Variants in GNB4 observed in about 807,000 individuals in gnomAD.
The protein encoded by GNB4 is guanine nucleotide-binding protein subunit beta-4.
Under a neutral mutation model 45.2 loss-of-function variants are expected in GNB4, and 28 were observed. The ratio of observed to expected loss-of-function variants is 0.62; its 90% CI spans 0.46 to 0.85. The LOEUF is 0.85. Ranked by LOEUF, GNB4 falls within the 40% of genes least tolerant of loss-of-function variation. GNB4 has a pLI of 0.00. For missense variants in GNB4, 321 were observed against 425.4 expected (o/e 0.75, Z 2.16); for synonymous variants, 132 against 143.7 (o/e 0.92, Z 0.58).
In GNB4 at chr3:179,405,208, G is replaced by C. The variant is rs1390536220; in HGVS notation, c.898C>G (p.Leu300Val). 2 of 1,613,548 alleles carry C rather than the reference G, an allele frequency of 1.2e-6. No individual in the cohort carries two copies. The highest frequency in any genetic ancestry group is 1.7e-6 in the Non-Finnish European group (2 of 1,179,800). ...TACTAACCTGCACGATCTCCTTTTA[G>C]CGTGTCCCATACATTACAATTAAAG... ...DDFNCNVWDTLKGDRAGVLAG... is the reference protein window; with the variant it reads ...DDFNCNVWDTVKGDRAGVLAG... Residue 300 changes from leucine to valine, a missense_variant, in exon 9 of 10, where the codon CTA becomes GTA. Transcript: ENST00000232564.
In GNB4 at chr3:179,401,137, G is replaced by T; in HGVS notation, c.*76C>A. 1 of 919,418 alleles carries T rather than the reference G, an allele frequency of 1.1e-6. No individual in the cohort carries two copies. The highest frequency in any genetic ancestry group is 1.6e-6 in the Non-Finnish European group (1 of 639,302). The allele number at this position is 919,418 out of a possible 1,614,324, so 57.0% of individuals were successfully genotyped here. On this transcript the variant is annotated 3_prime_UTR_variant, in exon 10 of 10. Coordinates refer to ENST00000232564, the MANE Select transcript of GNB4 (RefSeq NM_021629.4). ...AATCTTCACCTGCAAATATAAGGTA[G>T]AATTTTTTCACAGCTATAGGCTGTA...
intron 1 of GNB4, among the ~76,000 whole-genome samples, chr3:179,432,674 ATACTAT>A (rs1715340322): frequency 1.3e-5 from 2 of 152,364 alleles, no homozygotes; most frequent in African/African-American, 4.8e-5. Flanking sequence ...CTTGGAAACA[ATACTAT>A]TACATCAGGT....
rs765758682 is a variant in GNB4, at chr3:179,405,244, C to T, written c.862G>A (p.Gly288Ser). Residue 288 changes from glycine to serine, a missense_variant, in exon 9 of 10, where the codon GGT becomes AGT. Physicochemically the swap from Gly to Ser is moderately conservative, Grantham distance 56. Coordinates refer to ENST00000232564, the MANE Select transcript of GNB4 (RefSeq NM_021629.4). Reference sequence around the variant, plus strand: ...ACATTACAATTAAAGTCATCGTAACCAGCCAACAAGAGACGCCCACTTTTT... The same window carrying T: ...ACATTACAATTAAAGTCATCGTAACTAGCCAACAAGAGACGCCCACTTTTT... The part of the protein sequence containing the change: ...FSKSGRLLLA[G>S]YDDFNCNVWD... The T allele has an allele frequency of 6.2e-7, 1 of 1,614,160 alleles. No homozygotes were observed. The highest frequency in any genetic ancestry group is 1.3e-5 in the African/African-American group (1 of 75,042).
At chr3:179,403,106 GAAGA>G (rs1428960720) in intron 9 of GNB4, among the ~76,000 whole-genome samples, 1 of 152,206 alleles carries the variant, frequency 6.6e-6, no homozygotes, top group African/African-American at 2.4e-5. Context: ...ATGGAAAAAG[GAAGA>G]AAGGCAGAAA....
At chr3:179,430,289 A>G (rs1053661389) in intron 1 of GNB4, among the ~76,000 whole-genome samples, 1 of 152,090 alleles carries the variant, frequency 6.6e-6, no homozygotes, top group African/African-American at 2.4e-5. Context: ...CAGGGTCGCC[A>G]TGTTGCCCAG....
intron 2 of GNB4, among the ~76,000 whole-genome samples, chr3:179,421,198 A>G (rs1714970825): frequency 6.6e-6 from 1 of 152,132 alleles, no homozygotes; most frequent in East Asian, 1.9e-4. Context: ...GAAACCCCAT[A>G]TCTCCTAATT....
intron 8 of GNB4, among the ~76,000 whole-genome samples, chr3:179,408,989 TACAC>T (rs967685043): frequency 7.6e-5 from 11 of 145,410 alleles, no homozygotes; most frequent in African/African-American, 2.8e-4. Context: ...CTGCAAAAAA[TACAC>T]ACACGCACAC....
the GNB4 span, among the ~76,000 whole-genome samples, chr3:179,493,583 A>T: frequency 6.6e-6 from 1 of 151,914 alleles, no homozygotes; most frequent in Non-Finnish European, 1.5e-5. Flanking sequence ...ATGGGACTCC[A>T]TTAAGCAAAA....
chr3:179,485,358 T>C, the GNB4 span, among the ~76,000 whole-genome samples: 1 of 152,140 alleles, frequency 6.6e-6, no homozygotes. Context: ...TGAACTCAAT[T>C]GTACCTATAA....
At chr3:179,525,666 C>T in the GNB4 span, among the ~76,000 whole-genome samples, 2 of 152,160 alleles carry the variant, frequency 1.3e-5, no homozygotes, top group Non-Finnish European at 2.9e-5. Flanking sequence ...ACTGTCTTCC[C>T]GAGTCCATGA....
chr3:179,432,671 A>G lies in GNB4; in HGVS notation c.-42-6429T>C, dbSNP rs553829811. Among the ~76,000 whole-genome samples the G allele has an allele frequency of 2.6e-5, 4 of 152,354 alleles. No homozygotes were observed. The East Asian group carries it at 5.8e-4, about 22-fold the overall frequency. Reference sequence around the variant, plus strand: ...CTATAAAAATTTTTAATTCTTGGAAACAATACTATTACATCAGGTATAGTT... The same window carrying G: ...CTATAAAAATTTTTAATTCTTGGAAGCAATACTATTACATCAGGTATAGTT... On this transcript the variant is annotated intron_variant, in intron 1 of 9. Coordinates refer to ENST00000232564, the MANE Select transcript of GNB4 (RefSeq NM_021629.4).
At chr3:179,418,821 T>C (rs949340091) in intron 4 of GNB4, among the ~76,000 whole-genome samples, 1 of 152,258 alleles carries the variant, frequency 6.6e-6, no homozygotes, top group African/African-American at 2.4e-5. Context: ...TGTAGCCTTA[T>C]ACACATAGTG....
the GNB4 span, among the ~76,000 whole-genome samples, chr3:179,501,622 G>C: frequency 2.0e-5 from 3 of 152,056 alleles, no homozygotes; most frequent in Non-Finnish European, 4.4e-5. Context: ...ACCATGTCTG[G>C]TCCCAATTGC....
At position 179,397,838 on chromosome 3, in the gene GNB4, G is replaced by A. The variant is rs1369770984; in HGVS notation, c.*3375C>T. 1 of 150,222 alleles carries A rather than the reference G, an allele frequency of 6.7e-6. No homozygotes were observed. Among genetic ancestry groups the A allele is most frequent in the Non-Finnish European group, 1.5e-5 (1 of 68,076 alleles). 9.3% of individuals were successfully genotyped at this position (150,222 alleles called of 1,614,324 possible). ...CAAAACCTCCACCTCCTGAGTTCAA[G>A]TAATTCTCTGCCTCAGCCTCACGAG... On this transcript the variant is annotated 3_prime_UTR_variant, in exon 10 of 10. Transcript: ENST00000232564.
chr3:179,462,817 A>G, the GNB4 span, among the ~76,000 whole-genome samples: 1 of 152,176 alleles, frequency 6.6e-6, no homozygotes, highest in Non-Finnish European at 1.5e-5. Flanking sequence ...AGCCTGGGTA[A>G]CAGAGTGAAA....
intron 1 of GNB4, among the ~76,000 whole-genome samples, chr3:179,433,260 T>TA (rs200473758): frequency 3.0e-4 from 45 of 150,038 alleles, no homozygotes; most frequent in African/African-American, 8.1e-4. Context: ...GCATGCTATT[T>TA]AAAAAAAAAC....
the GNB4 span, among the ~76,000 whole-genome samples, chr3:179,507,030 A>T: frequency 6.6e-6 from 1 of 152,202 alleles, no homozygotes; most frequent in Non-Finnish European, 1.5e-5. Context: ...CTGAGGAAAT[A>T]GTACCAACAC....
chr3:179,512,997 T>G, the GNB4 span, among the ~76,000 whole-genome samples: 32 of 151,540 alleles, frequency 2.1e-4, no homozygotes, highest in Admixed American at 4.6e-4. Context: ...AAATAGTCTC[T>G]ATTTTTTTTT....
the GNB4 span, among the ~76,000 whole-genome samples, chr3:179,515,759 A>G: frequency 0.024 from 3,649 of 151,874 alleles, 126 homozygotes; most frequent in African/African-American, 0.078. Context: ...GGCAGCAAAA[A>G]TTTTCGGGGG....
Sources: gnomAD v4.1 joint callset for allele counts (sites outside exome capture counted in the v4.1 genomes callset) on GRCh38, gnomAD v4.1.1 for gene constraint, MANE v1.5 for transcripts, NCBI Gene and HGNC (gene_info 2026-07-23, HGNC 2026-07-21) for gene names.